BCL2: variants seen among roughly 807,000 people sequenced by gnomAD.
BCL2 encodes the protein apoptosis regulator Bcl-2.
BCL2 carries 1 observed loss-of-function variant against 14.2 expected under a neutral mutation model. That is an observed-to-expected ratio of 0.07 (90% CI 0.02 to 0.33). The LOEUF is 0.33. Among genes scored for constraint, BCL2 ranks in the 10% least tolerant of loss-of-function variants. BCL2 has a pLI of 0.99. For missense variants in BCL2, 247 were observed against 305.9 expected (o/e 0.81, Z 1.44); for synonymous variants, 151 against 137.2 (o/e 1.10, Z -0.70).
At chr18:63,260,024 C>G (rs948279268) in intron 2 of BCL2, among the ~76,000 whole-genome samples, 4 of 152,182 alleles carry the variant, frequency 2.6e-5, no homozygotes, top group African/African-American at 9.7e-5. Context: ...TGAGGAAGAC[C>G]AAACCCTTAG....
intron 2 of BCL2, among the ~76,000 whole-genome samples, chr18:63,173,815 T>A (rs1915286789): frequency 6.6e-6 from 1 of 152,248 alleles, no homozygotes; most frequent in Non-Finnish European, 1.5e-5. Flanking sequence ...TAGACATGAC[T>A]GAGCTTAAAA....
intron 2 of BCL2, among the ~76,000 whole-genome samples, chr18:63,297,791 C>A (rs1237375258): frequency 6.6e-6 from 1 of 152,134 alleles, no homozygotes; most frequent in Non-Finnish European, 1.5e-5. Context: ...AAATTCCAGG[C>A]GTGGCATCGG....
chr18:63,287,020 T>C (rs964854206), intron 2 of BCL2, among the ~76,000 whole-genome samples: 1 of 152,206 alleles, frequency 6.6e-6, no homozygotes, highest in African/African-American at 2.4e-5. Flanking sequence ...TCTGTAGACA[T>C]CTGTCCCTCT....
At chr18:63,131,986 T>A (rs940846261) in intron 2 of BCL2, among the ~76,000 whole-genome samples, 1 of 152,192 alleles carries the variant, frequency 6.6e-6, no homozygotes, top group Non-Finnish European at 1.5e-5. Context: ...CAAATAACAG[T>A]GCTTCTCATG....
Position 63,134,993 on chromosome 18 carries a change from C to A in BCL2, c.586-6234G>T, listed in dbSNP as rs75639853. ...AATCACTGTAACAGAAAACTCTGGG[C>A]TGGAAGGAACCTCAAAGTATGTTCA... On this transcript the variant is annotated intron_variant, in intron 2 of 2. Coordinates refer to ENST00000333681, the MANE Select transcript of BCL2 (RefSeq NM_000633.3). Among the ~76,000 whole-genome samples, 1,432 of 152,294 alleles carry A rather than the reference C, an allele frequency of 9.4e-3. 31 individuals are homozygous for A. The highest frequency in any genetic ancestry group is 0.033 in the African/African-American group (1,368 of 41,550).
rs756734795 is a variant in BCL2 at position 63,318,529 on chromosome 18, C to A, written c.138G>T (p.Pro46=). 6.3e-7 allele frequency: 1 copy of A among 1,576,882 alleles called. No individual in the cohort carries two copies. Among genetic ancestry groups the A allele is most frequent in the Non-Finnish European group, 8.6e-7 (1 of 1,166,586 alleles). Residue 46 remains proline (P), a synonymous_variant, in exon 2 of 3, where the codon CCG becomes CCT. Coordinates refer to ENST00000333681, the MANE Select transcript of BCL2 (RefSeq NM_000633.3). The surrounding 1 kb of genome is among the most constrained non-coding windows in gnomAD (Gnocchi z 7.4). The part of the protein sequence containing the change: ...GAAPPGAAPA[P]GIFSSQPGHT... ...GCCCGGGCTGGGAGGAGAAGATGCC[C>A]GGTGCGGGGGCGGCCCCCGGGGGCG...
chr18:63,228,875 G>T (rs990450746), intron 2 of BCL2, among the ~76,000 whole-genome samples: 2 of 152,154 alleles, frequency 1.3e-5, no homozygotes, highest in African/African-American at 2.4e-5. Flanking sequence ...GGCTCAACTG[G>T]TTTTTTGTAT....
intron 2 of BCL2, among the ~76,000 whole-genome samples, chr18:63,289,778 T>C (rs149400968): frequency 0.014 from 2,182 of 152,034 alleles, 78 homozygotes; most frequent in Admixed American, 0.068. Flanking sequence ...CCTGTAATCC[T>C]AGCTACTTGA....
intron 2 of BCL2, among the ~76,000 whole-genome samples, chr18:63,236,026 C>G (rs996897478): frequency 9.2e-5 from 14 of 152,084 alleles, no homozygotes; most frequent in African/African-American, 2.9e-4. Flanking sequence ...ATGGGAGGCA[C>G]CTGGTGGGAG....
rs115417204 is a variant in BCL2, at chr18:63,224,243, G to A, written c.585+93839C>T. On this transcript the variant is annotated intron_variant, in intron 2 of 2. Transcript: ENST00000333681. The stretch of plus-strand genomic sequence containing the variant: ...CAGGAAGTTCAACTCCCAAATAATA[G>A]AAGTTCTGGAAAGAAAGAGCAGCTT... Among the ~76,000 whole-genome samples the A allele has an allele frequency of 6.8e-3, 1,037 of 152,244 alleles. 10 individuals carry two copies. Among genetic ancestry groups the A allele is most frequent in the African/African-American group, 0.023 (948 of 41,526 alleles).
intron 2 of BCL2, among the ~76,000 whole-genome samples, chr18:63,164,630 G>A (rs1246599375): frequency 6.6e-6 from 1 of 152,208 alleles, no homozygotes; most frequent in Non-Finnish European, 1.5e-5. Context: ...GTCTGTAGTA[G>A]AAGATGCTAA....
intron 2 of BCL2, among the ~76,000 whole-genome samples, chr18:63,225,998 A>G (rs971888853): frequency 1.3e-5 from 2 of 152,210 alleles, no homozygotes; most frequent in African/African-American, 4.8e-5. Context: ...GAGGTCGCAC[A>G]AACAAACTGA....
At chr18:63,292,496 C>T (rs1410402347) in intron 2 of BCL2, among the ~76,000 whole-genome samples, 1 of 152,168 alleles carries the variant, frequency 6.6e-6, no homozygotes, top group Non-Finnish European at 1.5e-5. Flanking sequence ...ATACAGCGCA[C>T]TCACACGTAC....
intron 2 of BCL2, among the ~76,000 whole-genome samples, chr18:63,144,305 C>A (rs1441921684): frequency 1.3e-5 from 2 of 152,066 alleles, no homozygotes; most frequent in East Asian, 3.9e-4. Context: ...TCTGGGATGA[C>A]AAGAGATATT....
At chr18:63,198,688 GAC>G (rs1305101808) in intron 2 of BCL2, among the ~76,000 whole-genome samples, 13 of 77,954 alleles carry the variant, frequency 1.7e-4, no homozygotes, top group African/African-American at 2.6e-4. Flanking sequence ...AACAGACACA[GAC>G]ACACACACTG....
rs979855999 is a variant in BCL2, at chr18:63,266,137, T to C, written c.585+51945A>G. ...AGGAAGCTAATCTCTGCGGCACTGA[T>C]TGTACTAGAAAATGTTTGAGAACAA... On this transcript the variant is annotated intron_variant, in intron 2 of 2. Transcript: ENST00000333681. 3.3e-5 allele frequency among the ~76,000 whole-genome samples: 5 copies of C among 152,014 alleles called. No homozygotes were observed. In the East Asian group the frequency reaches 7.7e-4, roughly 23 times the overall value.
chr18:63,247,882 A>AT (rs947915166), intron 2 of BCL2, among the ~76,000 whole-genome samples: 12 of 152,184 alleles, frequency 7.9e-5, no homozygotes, highest in Non-Finnish European at 1.3e-4. Flanking sequence ...AGTGAAATAT[A>AT]TTTTTTTAAT....
intron 2 of BCL2, among the ~76,000 whole-genome samples, chr18:63,145,477 C>T (rs1035199205): frequency 1.3e-5 from 2 of 152,218 alleles, no homozygotes; most frequent in African/African-American, 4.8e-5. Flanking sequence ...CTGGAGGCAC[C>T]CCTCGTGACT....
At chr18:63,317,269 C>G (rs1332960054) in intron 2 of BCL2, 1 of 153,682 alleles carries the variant, frequency 6.5e-6, no homozygotes, top group Non-Finnish European at 1.4e-5. Flanking sequence ...AAAATTAGGT[C>G]CACTCTGAGT....
Sources: gnomAD v4.1 joint callset for allele counts (sites outside exome capture counted in the v4.1 genomes callset) on GRCh38, gnomAD v4.1.1 for gene constraint, Gnocchi (gnomAD v3.1) non-coding constraint, MANE v1.5 for transcripts, NCBI Gene and HGNC (gene_info 2026-07-23, HGNC 2026-07-21) for gene names.